The following GRM7 variants were observed in gnomAD, a reference collection of about 807,000 sequenced individuals.
The protein encoded by GRM7 is glutamate metabotropic receptor 7, also known as metabotropic glutamate receptor 7.
In GRM7, 35 loss-of-function variants were observed where a neutral mutation model predicts 84.5. That is an observed-to-expected ratio of 0.41 (90% confidence interval 0.32 to 0.55). The LOEUF (loss-of-function observed/expected upper bound fraction) is 0.55. GRM7 is among the 20% of genes least tolerant of loss of function. The probability of loss-of-function intolerance (pLI) is 0.19; values close to 1 mark genes in which losing one functional copy is unlikely to be tolerated. For missense variants in GRM7, 1,003 were observed against 1,194.6 expected (o/e 0.84, Z 2.36); for synonymous variants, 487 against 455.1 (o/e 1.07, Z -0.89).
chr3:7,117,034 G>T (rs1045973485), intron 1 of GRM7, among the ~76,000 whole-genome samples: 1 of 152,140 alleles, frequency 6.6e-6, no homozygotes, highest in Admixed American at 6.5e-5. Context: ...AAAGTATTAG[G>T]AGTAGATTGG....
At chr3:6,911,201 T>A (rs1471037046) in intron 1 of GRM7, among the ~76,000 whole-genome samples, 1 of 152,130 alleles carries the variant, frequency 6.6e-6, no homozygotes, top group African/African-American at 2.4e-5. Flanking sequence ...ATTCAAATAA[T>A]TTTTTCTTCA....
rs542119243 is a variant in GRM7, at chr3:7,114,689, C to T, written c.520-31763C>T. 1.8e-4 allele frequency among the ~76,000 whole-genome samples: 27 copies of T among 152,248 alleles called. No individual in the cohort carries two copies. In the East Asian group the frequency reaches 2.5e-3, roughly 14 times the overall value. The stretch of plus-strand genomic sequence containing the variant: ...TCACCACAGAACTTGTGTTTCTTGG[C>T]ACTATCCAAACGCTGCACTTTTGGA... On this transcript the variant is annotated intron_variant, in intron 1 of 9. Coordinates refer to ENST00000357716, the MANE Select transcript of GRM7 (RefSeq NM_000844.4).
intron 9 of GRM7, among the ~76,000 whole-genome samples, chr3:7,729,275 T>C (rs748114317): frequency 2.0e-5 from 3 of 152,326 alleles, no homozygotes; most frequent in East Asian, 3.9e-4. Flanking sequence ...AAAAGGGTGA[T>C]GCCCTACCTT....
intron 4 of GRM7, among the ~76,000 whole-genome samples, chr3:7,342,475 C>T (rs759684721): frequency 9.2e-5 from 14 of 152,146 alleles, no homozygotes; most frequent in Non-Finnish European, 2.1e-4. Context: ...CAGAGTTCCT[C>T]TCAACACAAT....
chr3:7,686,173 T>A (rs1476894404), intron 9 of GRM7, among the ~76,000 whole-genome samples: 1 of 152,128 alleles, frequency 6.6e-6, no homozygotes, highest in South Asian at 2.1e-4. Context: ...AGTACTCCCA[T>A]GTTCAGAGGT....
intron 1 of GRM7, among the ~76,000 whole-genome samples, chr3:7,066,272 A>G (rs1281385672): frequency 6.6e-6 from 1 of 151,908 alleles, no homozygotes; most frequent in Non-Finnish European, 1.5e-5. Context: ...CTGATAGACC[A>G]TTAGCAAGAT....
intron 1 of GRM7, among the ~76,000 whole-genome samples, chr3:7,056,283 G>T (rs1362155249): frequency 5.3e-5 from 8 of 151,970 alleles, no homozygotes; most frequent in African/African-American, 1.9e-4. Context: ...TACAGGCATC[G>T]TGGCCATGGT....
chr3:7,664,031 G>T (rs1006996907), intron 8 of GRM7, among the ~76,000 whole-genome samples: 9 of 152,110 alleles, frequency 5.9e-5, no homozygotes, highest in Non-Finnish European at 1.3e-4. Context: ...TGTGCTACAG[G>T]GTTACAGTGG....
At chr3:7,531,402 C>A (rs1185781250) in intron 7 of GRM7, among the ~76,000 whole-genome samples, 1 of 152,040 alleles carries the variant, frequency 6.6e-6, no homozygotes, top group Non-Finnish European at 1.5e-5. Context: ...TTAGTTTGGG[C>A]AGTATGGCCA....
chr3:7,636,997 C>G (rs935863127), intron 8 of GRM7, among the ~76,000 whole-genome samples: 1 of 152,128 alleles, frequency 6.6e-6, no homozygotes, highest in Non-Finnish European at 1.5e-5. Flanking sequence ...CCTTTAACTT[C>G]GTGGTCATGG....
intron 2 of GRM7, among the ~76,000 whole-genome samples, chr3:7,174,098 C>A (rs567623652): frequency 1.3e-5 from 2 of 152,212 alleles, no homozygotes; most frequent in South Asian, 4.1e-4. Flanking sequence ...TGAAGGGTGG[C>A]TAGTTTCTAA....
chr3:7,319,228 A>G (rs1179822061), intron 4 of GRM7, among the ~76,000 whole-genome samples: 2 of 152,102 alleles, frequency 1.3e-5, no homozygotes, highest in African/African-American at 4.8e-5. Context: ...ACACCAGTAG[A>G]TAGAGGGTGC....
At chr3:7,090,733 G>C (rs1223570677) in intron 1 of GRM7, among the ~76,000 whole-genome samples, 1 of 152,070 alleles carries the variant, frequency 6.6e-6, no homozygotes, top group East Asian at 1.9e-4. Context: ...ACTCAAACTA[G>C]AAACCAATGA....
At chr3:7,143,167 G>C (rs1343349028) in intron 1 of GRM7, among the ~76,000 whole-genome samples, 1 of 152,152 alleles carries the variant, frequency 6.6e-6, no homozygotes, top group African/African-American at 2.4e-5. Flanking sequence ...AATTGCTAAA[G>C]ATGCCTAATT....
chr3:7,624,631 T>G lies in GRM7; in HGVS notation c.2451+45274T>G, dbSNP rs547567716. On this transcript the variant is annotated intron_variant, in intron 8 of 9. Transcript: ENST00000357716. ...AGTTATCATAATTTTCTGTCATAACTCTGATAAAATCTACCATCTCCGAGT... is the reference window on the plus strand; with the variant it reads ...AGTTATCATAATTTTCTGTCATAACGCTGATAAAATCTACCATCTCCGAGT... Among the ~76,000 whole-genome samples, 39 of 152,130 alleles carry G rather than the reference T, an allele frequency of 2.6e-4. 1 individual carries two copies. The highest frequency in any genetic ancestry group is 5.3e-4 in the Non-Finnish European group (36 of 68,020).
At chr3:7,327,178 G>A (rs763670919) in intron 4 of GRM7, among the ~76,000 whole-genome samples, 3 of 152,138 alleles carry the variant, frequency 2.0e-5, no homozygotes, top group Non-Finnish European at 1.5e-5. Flanking sequence ...ATTGTTTATT[G>A]CTCAAATTGC....
In GRM7 at chr3:7,103,816, T is replaced by TTCTTTCTCTCTCTC. The variant is rs1553617438; in HGVS notation, c.520-42633_520-42632insTTCTCTCTCTCTCT. ...TTTCTTTCTTTCTTTCTTTCTTTCT[T>TTCTTTCTCTCTCTC]TCTCTCTCTCTCTGTCTCTCTCTCC... On this transcript the variant is annotated intron_variant, in intron 1 of 9. Coordinates refer to ENST00000357716, the MANE Select transcript of GRM7 (RefSeq NM_000844.4). Among the ~76,000 whole-genome samples the TTCTTTCTCTCTCTC allele has an allele frequency of 6.7e-5, 6 of 89,112 alleles. 1 individual carries two copies. The highest frequency in any genetic ancestry group is 2.9e-4 in the African/African-American group (6 of 20,770). The allele number at this position is 89,112 out of a possible 152,430, so 58.5% of individuals were successfully genotyped here. A position where few individuals can be genotyped will look rare whatever the true frequency, so the allele number is the denominator to read the frequency against.
chr3:7,309,190 G>T (rs10510356), intron 4 of GRM7, among the ~76,000 whole-genome samples: 1 of 151,938 alleles, frequency 6.6e-6, no homozygotes, highest in Non-Finnish European at 1.5e-5. Context: ...GTTCACTTTC[G>T]TAGCAGACAG....
In GRM7 at chr3:7,151,077, T is replaced by G. The variant is rs1489425956; in HGVS notation, c.736+4409T>G. Among the ~76,000 whole-genome samples the G allele has an allele frequency of 2.0e-5, 3 of 152,224 alleles. No individual in the cohort carries two copies. Among genetic ancestry groups the G allele is most frequent in the African/African-American group, 7.2e-5 (3 of 41,468 alleles). Reference sequence around the variant, plus strand: ...TCACTTAACATAGTTGTATTTCAATTGTTCTTATAAAGTAATTATTATTAT... The same window carrying G: ...TCACTTAACATAGTTGTATTTCAATGGTTCTTATAAAGTAATTATTATTAT... On this transcript the variant is annotated intron_variant, in intron 2 of 9. Coordinates refer to ENST00000357716, the MANE Select transcript of GRM7 (RefSeq NM_000844.4). This position sits in a 1 kb window ranked among gnomAD's most constrained non-coding sequence, Gnocchi z 4.5.
Sources: gnomAD v4.1 joint callset for allele counts (sites outside exome capture counted in the v4.1 genomes callset) on GRCh38, gnomAD v4.1.1 for gene constraint, Gnocchi (gnomAD v3.1) non-coding constraint, MANE v1.5 for transcripts, NCBI Gene and HGNC (gene_info 2026-07-23, HGNC 2026-07-21) for gene names.